Variants in DTD1 observed in about 807,000 individuals in gnomAD.
DTD1 encodes D-aminoacyl-tRNA deacylase 1, also known as D-tyrosyl-tRNA deacylase 1 homolog.
DTD1 carries 13 observed loss-of-function variants against 25.6 expected under a neutral mutation model. The ratio of observed to expected loss-of-function variants is 0.51; its 90% CI spans 0.33 to 0.81. The LOEUF is 0.81. DTD1 is among the 30% of genes least tolerant of loss of function. The probability of loss-of-function intolerance (pLI) is 0.02; values close to 1 mark genes in which losing one functional copy is unlikely to be tolerated. For missense variants in DTD1, 193 were observed against 266.4 expected (o/e 0.72, Z 1.92); for synonymous variants, 110 against 103.6 (o/e 1.06, Z -0.37).
chr20:18,751,064 C>CAT (rs1555804484), intron 5 of DTD1, among the ~76,000 whole-genome samples: 1 of 150,290 alleles, frequency 6.7e-6, no homozygotes, highest in African/African-American at 2.4e-5. Context: ...CTACAGCAGC[C>CAT]GTGTGTGTGT....
At chr20:18,626,590 G>GT (rs2060759557) in intron 3 of DTD1, among the ~76,000 whole-genome samples, 2 of 151,972 alleles carry the variant, frequency 1.3e-5, no homozygotes, top group Non-Finnish European at 2.9e-5. Flanking sequence ...GTGAGTGTGT[G>GT]TTTTTTTTAA....
At chr20:18,708,245 AT>A (rs2061138189) in intron 4 of DTD1, among the ~76,000 whole-genome samples, 2 of 6,574 alleles carry the variant, frequency 3.0e-4, no homozygotes, top group Non-Finnish European at 5.2e-4. Context: ...TATATATATA[AT>A]ATATATTATA....
chr20:18,645,056 C>T (rs770598087), intron 4 of DTD1, among the ~76,000 whole-genome samples: 3 of 152,078 alleles, frequency 2.0e-5, no homozygotes, highest in African/African-American at 7.3e-5. Flanking sequence ...AAGGCTGAGG[C>T]GAAGAATCAC....
intron 1 of DTD1, among the ~76,000 whole-genome samples, chr20:18,589,519 G>C (rs2060580702): frequency 6.6e-6 from 1 of 152,126 alleles, no homozygotes; most frequent in Non-Finnish European, 1.5e-5. Flanking sequence ...CTTTGGTTTT[G>C]GAAATGGTCC....
intron 4 of DTD1, among the ~76,000 whole-genome samples, chr20:18,687,075 G>A (rs1370917603): frequency 6.6e-6 from 1 of 152,216 alleles, no homozygotes; most frequent in Non-Finnish European, 1.5e-5. Context: ...TGTGCCAGGT[G>A]GTGATGAAGG....
intron 4 of DTD1, among the ~76,000 whole-genome samples, chr20:18,636,144 T>C (rs1051368143): frequency 3.9e-5 from 6 of 152,142 alleles, no homozygotes; most frequent in Non-Finnish European, 8.8e-5. Context: ...ATCTCATTTG[T>C]GTGTGTGTTA....
chr20:18,741,897 ATT>A (rs57912866), intron 4 of DTD1, among the ~76,000 whole-genome samples: 8 of 88,726 alleles, frequency 9.0e-5, no homozygotes, highest in Non-Finnish European at 9.4e-5. Context: ...TAACCTTTGT[ATT>A]TTTTTTTTTT....
chr20:18,710,949 G>T (rs2061156174), intron 4 of DTD1, among the ~76,000 whole-genome samples: 1 of 152,186 alleles, frequency 6.6e-6, no homozygotes, highest in South Asian at 2.1e-4. Context: ...ATGGGTACTG[G>T]ATACTCTTGT....
At chr20:18,739,619 C>T (rs190449085) in intron 4 of DTD1, among the ~76,000 whole-genome samples, 17 of 152,330 alleles carry the variant, frequency 1.1e-4, no homozygotes, top group African/African-American at 4.1e-4. Flanking sequence ...TGTATGTTCA[C>T]AGACCTGTAG....
At chr20:18,601,259 G>A (rs1001116201) in intron 3 of DTD1, among the ~76,000 whole-genome samples, 2 of 152,052 alleles carry the variant, frequency 1.3e-5, no homozygotes, top group Admixed American at 6.6e-5. Context: ...CAGCGCTTTG[G>A]GAAGCCGAGG....
At chr20:18,653,763 C>T (rs1477141489) in intron 4 of DTD1, among the ~76,000 whole-genome samples, 1 of 152,070 alleles carries the variant, frequency 6.6e-6, no homozygotes, top group African/African-American at 2.4e-5. Context: ...CAAAAGTAAA[C>T]CTTGCTTTTG....
intron 4 of DTD1, among the ~76,000 whole-genome samples, chr20:18,681,329 T>G (rs1423904141): frequency 2.0e-5 from 3 of 152,202 alleles, no homozygotes; most frequent in Non-Finnish European, 4.4e-5. Context: ...GGCGTGCAAT[T>G]ATTTTAAGCA....
intron 1 of DTD1, among the ~76,000 whole-genome samples, chr20:18,588,561 A>G (rs571888933): frequency 4.6e-5 from 7 of 152,190 alleles, no homozygotes; most frequent in Middle Eastern, 3.4e-3. Flanking sequence ...ACGTATTCCA[A>G]TTTTTATGGG....
intron 5 of DTD1, among the ~76,000 whole-genome samples, chr20:18,746,956 G>A (rs17747954): frequency 0.16 from 24,071 of 152,098 alleles, 2,115 homozygotes; most frequent in South Asian, 0.23. Flanking sequence ...TGTATCTCAC[G>A]TATGCATGGG....
chr20:18,588,165 A>G (rs1600300722), intron 1 of DTD1, 50 bp downstream of exon 1: 6 of 1,229,900 alleles, frequency 4.9e-6, no homozygotes, highest in Non-Finnish European at 6.1e-6. Flanking sequence ...GACCCCCGCG[A>G]CCGGCTGTCT....
At chr20:18,593,707 C>T in intron 1 of DTD1, 24 bp from the exon 2 acceptor site, 1 of 1,593,016 alleles carries the variant, frequency 6.3e-7, no homozygotes, top group Non-Finnish European at 8.6e-7. Flanking sequence ...CTGAGTTCTT[C>T]TCTCCCTTTT....
At chr20:18,654,154 T>C (rs531387624) in intron 4 of DTD1, among the ~76,000 whole-genome samples, 1 of 152,366 alleles carries the variant, frequency 6.6e-6, no homozygotes, top group African/African-American at 2.4e-5. Context: ...AAATCTCATC[T>C]TGAATTTTAT....
At chr20:18,704,214 A>G (rs1441751837) in intron 4 of DTD1, among the ~76,000 whole-genome samples, 1 of 152,048 alleles carries the variant, frequency 6.6e-6, no homozygotes, top group Non-Finnish European at 1.5e-5. Flanking sequence ...GTTAGCCAGG[A>G]TGGTCTCGAT....
chr20:18,743,234 C>G (rs1354505506), intron 4 of DTD1, among the ~76,000 whole-genome samples: 1 of 152,194 alleles, frequency 6.6e-6, no homozygotes, highest in East Asian at 1.9e-4. Context: ...TAAGAAGGCT[C>G]TAGTGGCCAG....
Sources: allele counts gnomAD v4.1 joint callset (sites outside exome capture counted in the v4.1 genomes callset), GRCh38; gene constraint gnomAD v4.1.1; transcripts MANE v1.5; gene names NCBI Gene and HGNC (gene_info 2026-07-23, HGNC 2026-07-21).